Variants in SERINC5 observed in about 807,000 individuals in gnomAD.
The protein encoded by SERINC5 is serine incorporator 5, also known as chromosome 5 open reading frame 12.
Under a neutral mutation model 63.1 loss-of-function variants are expected in SERINC5, and 41 were observed. That is an observed-to-expected ratio of 0.65 (90% CI 0.51 to 0.84). The LOEUF (loss-of-function observed/expected upper bound fraction) is 0.84, where lower values mean the gene tolerates loss of function less well. Ranked by LOEUF, SERINC5 falls within the 40% of genes least tolerant of loss-of-function variation. The probability of loss-of-function intolerance (pLI) is 0.00; values close to 1 mark genes in which losing one functional copy is unlikely to be tolerated. For synonymous variants in SERINC5, 222 were observed against 215.2 expected (o/e 1.03, Z -0.28); for missense variants, 523 against 573.0 (o/e 0.91, Z 0.89).
chr5:80,134,379 A>T (rs1017648971), downstream of SERINC5, among the ~76,000 whole-genome samples: 31 of 152,102 alleles, frequency 2.0e-4, no homozygotes, highest in Non-Finnish European at 8.8e-5. Flanking sequence ...CCAGCTACTC[A>T]GGAGGCTGAC....
intron 1 of SERINC5, among the ~76,000 whole-genome samples, chr5:80,221,646 A>T (rs1750911837): frequency 1.3e-5 from 2 of 152,182 alleles, no homozygotes; most frequent in African/African-American, 2.4e-5. Context: ...AATGAAGAGA[A>T]AACTGCAATA....
At position 80,138,897 on chromosome 5, in the gene SERINC5, T is replaced by C; in HGVS notation, c.*4766A>G. The C allele has an allele frequency of 1.0e-6, 1 of 972,108 alleles. No homozygotes were observed. The highest frequency in any genetic ancestry group is 1.2e-6 in the Non-Finnish European group (1 of 817,888). 60.2% of individuals were successfully genotyped at this position (972,108 alleles called of 1,614,324 possible). ...AGAAGAGAAAAAAACAACACAGTTT[T>C]AATTTTAAATTTTATTAAAGTACAG... On this transcript the variant is annotated 3_prime_UTR_variant, in exon 12 of 12. Transcript: ENST00000507668.
intron 2 of SERINC5, among the ~76,000 whole-genome samples, chr5:80,192,637 AC>A (rs1449310033): frequency 1.3e-5 from 2 of 151,980 alleles, no homozygotes; most frequent in African/African-American, 4.8e-5. Flanking sequence ...CCAAAAATAA[AC>A]CCCACACTGA....
intron 11 of SERINC5, among the ~76,000 whole-genome samples, chr5:80,121,146 C>T (rs1283848460): frequency 6.6e-6 from 1 of 152,158 alleles, no homozygotes; most frequent in Admixed American, 6.5e-5. Context: ...TTTGGCCTCC[C>T]AAAGTACTGG....
At chr5:80,193,501 A>G (rs1455814054) in intron 2 of SERINC5, among the ~76,000 whole-genome samples, 1 of 152,220 alleles carries the variant, frequency 6.6e-6, no homozygotes, top group African/African-American at 2.4e-5. Context: ...TCTCTCGTCC[A>G]TAGCCAGACC....
chr5:80,225,728 C>T (rs1751138306), intron 1 of SERINC5, among the ~76,000 whole-genome samples: 2 of 152,116 alleles, frequency 1.3e-5, no homozygotes, highest in Non-Finnish European at 2.9e-5. Flanking sequence ...AATATGCACT[C>T]ACACATGCAC....
At chr5:80,201,731 T>A (rs892215850) in intron 2 of SERINC5, among the ~76,000 whole-genome samples, 6 of 152,144 alleles carry the variant, frequency 3.9e-5, no homozygotes, top group East Asian at 1.9e-4. Context: ...TGTATCTCCA[T>A]CAGCATCACA....
At chr5:80,186,058 G>C (rs924736445) in intron 2 of SERINC5, among the ~76,000 whole-genome samples, 5 of 130,934 alleles carry the variant, frequency 3.8e-5, no homozygotes, top group Admixed American at 8.8e-5. Flanking sequence ...CTTAGAATTA[G>C]TAGATGCTCT....
intron 11 of SERINC5, among the ~76,000 whole-genome samples, chr5:80,125,618 G>A (rs1472273230): frequency 6.6e-6 from 1 of 152,308 alleles, no homozygotes; most frequent in Non-Finnish European, 1.5e-5. Flanking sequence ...TTCTACACAG[G>A]AATGACCTTG....
chr5:80,197,610 G>A (rs972696864), intron 2 of SERINC5, among the ~76,000 whole-genome samples: 1 of 152,078 alleles, frequency 6.6e-6, no homozygotes, highest in Non-Finnish European at 1.5e-5. Context: ...GGGAGAAAGT[G>A]GGGGCTGCAC....
intron 1 of SERINC5, among the ~76,000 whole-genome samples, chr5:80,223,333 C>G (rs1386030831): frequency 6.6e-6 from 1 of 152,148 alleles, no homozygotes; most frequent in African/African-American, 2.4e-5. Context: ...CTCCTATATA[C>G]TTTAAATTAT....
chr5:80,172,543 T>C (rs911129275), intron 5 of SERINC5, among the ~76,000 whole-genome samples: 6 of 151,998 alleles, frequency 3.9e-5, no homozygotes, highest in African/African-American at 1.2e-4. Context: ...GTTTTAATGA[T>C]GAAAAAGTTC....
At chr5:80,227,971 CA>C (rs113596505) in intron 1 of SERINC5, among the ~76,000 whole-genome samples, 16,303 of 150,898 alleles carry the variant, frequency 0.11, 991 homozygotes, top group Middle Eastern at 0.14. Flanking sequence ...TCTGTAATCC[CA>C]GCACTTTGAG....
At chr5:80,122,453 C>T (rs1290411509) in intron 11 of SERINC5, among the ~76,000 whole-genome samples, 1 of 152,018 alleles carries the variant, frequency 6.6e-6, no homozygotes, top group Non-Finnish European at 1.5e-5. Context: ...TTTCCCAGCC[C>T]ACTGACTCAA....
At position 80,255,989 on chromosome 5, in the gene SERINC5, C is replaced by T. The variant is rs919109069; in HGVS notation, c.-67G>A. ...GCCGCACGGGCCCTCCTGGCTGCCT[C>T]GCGCCTCGAGCGCTGGGCTCAGCCG... On this transcript the variant is annotated 5_prime_UTR_variant, in exon 1 of 12. Transcript: ENST00000507668. 9 of 1,424,348 alleles carry T rather than the reference C, an allele frequency of 6.3e-6. No homozygotes were observed. Among genetic ancestry groups the T allele is most frequent in the African/African-American group, 1.5e-5 (1 of 66,876 alleles). 88.2% of individuals were successfully genotyped at this position (1,424,348 alleles called of 1,614,324 possible).
intron 1 of SERINC5, among the ~76,000 whole-genome samples, chr5:80,251,681 G>A (rs180834167): frequency 1.8e-4 from 27 of 150,064 alleles, no homozygotes; most frequent in Admixed American, 4.7e-4. Context: ...AGGGAGCCAA[G>A]ATTGCGCCAC....
chr5:80,204,164 G>A (rs973457290), intron 1 of SERINC5, among the ~76,000 whole-genome samples: 2 of 152,188 alleles, frequency 1.3e-5, no homozygotes, highest in Admixed American at 6.5e-5. Flanking sequence ...GTAATCGCCA[G>A]TAAAGAGTTT....
chr5:80,207,673 A>G (rs1014264339), intron 1 of SERINC5, among the ~76,000 whole-genome samples: 5 of 152,258 alleles, frequency 3.3e-5, no homozygotes, highest in Non-Finnish European at 7.3e-5. Context: ...ACAAATATAC[A>G]TATGTACATA....
chr5:80,197,944 A>T (rs971306321), intron 2 of SERINC5, among the ~76,000 whole-genome samples: 3 of 151,988 alleles, frequency 2.0e-5, no homozygotes, highest in African/African-American at 7.3e-5. Context: ...GATTCAAGCG[A>T]TTCTCCTGCC....
Sources: gnomAD v4.1 joint callset for allele counts (sites outside exome capture counted in the v4.1 genomes callset) on GRCh38, gnomAD v4.1.1 for gene constraint, MANE v1.5 for transcripts, NCBI Gene and HGNC (gene_info 2026-07-23, HGNC 2026-07-21) for gene names.